Variants in CEP112 observed in about 807,000 individuals in gnomAD.
The protein encoded by CEP112 is centrosomal protein 112.
Under a neutral mutation model 153.0 loss-of-function variants are expected in CEP112, and 127 were observed. The observed-to-expected ratio is 0.83, with a 90% CI of 0.72 to 0.96. The LOEUF (loss-of-function observed/expected upper bound fraction) is 0.96, where lower values mean the gene tolerates loss of function less well. Ranked by LOEUF, CEP112 falls within the 40% of genes least tolerant of loss-of-function variation. The probability of loss-of-function intolerance (pLI) is 0.00; values close to 1 mark genes in which losing one functional copy is unlikely to be tolerated. For synonymous variants in CEP112, 358 were observed against 374.4 expected (o/e 0.96, Z 0.51); for missense variants, 1,089 against 1,101.2 (o/e 0.99, Z 0.16).
At chr17:65,939,175 T>C (rs563150352) in intron 18 of CEP112, among the ~76,000 whole-genome samples, 8 of 152,162 alleles carry the variant, frequency 5.3e-5, no homozygotes, top group Non-Finnish European at 5.9e-5. Context: ...TTAGTATTCA[T>C]TTATTCAAAG....
chr17:66,165,504 A>G (rs190273743), intron 4 of CEP112, among the ~76,000 whole-genome samples: 87 of 152,350 alleles, frequency 5.7e-4, no homozygotes, highest in South Asian at 2.1e-4. Context: ...TTTACTAAGA[A>G]GGAAAGGTAT....
intron 20 of CEP112, among the ~76,000 whole-genome samples, 156 bp from the exon 21 acceptor site, chr17:65,852,190 TCTTTCCCTCTCCCTTCCTTCCTTCCCTC>T (rs1173559126): frequency 2.8e-4 from 39 of 139,630 alleles, no homozygotes; most frequent in African/African-American, 1.0e-3. Flanking sequence ...CTTCCCTCCC[TCTTTCCCTCTCCCTTCCTTCCTTCCCTC>T]CCTCTTTCCC....
At chr17:65,826,012 C>A in intron 21 of CEP112, 1 of 892,038 alleles carries the variant, frequency 1.1e-6, no homozygotes, top group Non-Finnish European at 1.8e-6. Flanking sequence ...TTTGTTCCAT[C>A]ATCCCTGCCC....
At chr17:66,151,323 C>G (rs1458576477) in intron 4 of CEP112, among the ~76,000 whole-genome samples, 1 of 152,128 alleles carries the variant, frequency 6.6e-6, no homozygotes, top group Non-Finnish European at 1.5e-5. Context: ...TTTAATCCTT[C>G]TAGTTACACA....
At chr17:65,997,778 A>G (rs55814450) in intron 17 of CEP112, among the ~76,000 whole-genome samples, 62,132 of 111,568 alleles carry the variant, frequency 0.56, 14,230 homozygotes, top group East Asian at 0.88. Flanking sequence ...ATTTATACAC[A>G]CACCCTAAAC....
intron 18 of CEP112, among the ~76,000 whole-genome samples, chr17:65,943,089 A>G (rs11869587): frequency 0.48 from 72,748 of 151,962 alleles, 18,409 homozygotes; most frequent in East Asian, 0.89. Flanking sequence ...ATATGTAGCT[A>G]GATAGATACA....
intron 20 of CEP112, among the ~76,000 whole-genome samples, chr17:65,874,909 T>A (rs1033199968): frequency 6.6e-6 from 1 of 152,116 alleles, no homozygotes. Flanking sequence ...TTTGTTAAAG[T>A]ATCTATGGTT....
chr17:65,745,697 G>C (rs1051291832), intron 22 of CEP112, among the ~76,000 whole-genome samples: 7 of 152,150 alleles, frequency 4.6e-5, no homozygotes, highest in Admixed American at 3.3e-4. Context: ...TGTGTGTTTA[G>C]TTCTGCGCAG....
At chr17:65,708,593 C>G (rs2049024988) in intron 23 of CEP112, among the ~76,000 whole-genome samples, 1 of 152,096 alleles carries the variant, frequency 6.6e-6, no homozygotes, top group Non-Finnish European at 1.5e-5. Context: ...TCCTTTAATC[C>G]TGCTTAGTGG....
intron 6 of CEP112, among the ~76,000 whole-genome samples, chr17:66,107,549 T>C (rs900403183): frequency 2.0e-5 from 3 of 151,746 alleles, no homozygotes; most frequent in South Asian, 2.1e-4. Flanking sequence ...TTACAATAGA[T>C]ACAAATAAAA....
At chr17:66,056,761 T>A (rs987482066) in intron 11 of CEP112, among the ~76,000 whole-genome samples, 11 of 152,182 alleles carry the variant, frequency 7.2e-5, no homozygotes, top group Admixed American at 2.6e-4. Flanking sequence ...TGCTGATGGA[T>A]AAAGGTTTCT....
At chr17:66,179,207 TG>T (rs1163376543) in intron 2 of CEP112, among the ~76,000 whole-genome samples, 5 of 152,136 alleles carry the variant, frequency 3.3e-5, no homozygotes, top group Admixed American at 1.3e-4. Flanking sequence ...ATTTTAAGGT[TG>T]TTTTTTTCTA....
intron 1 of CEP112, among the ~76,000 whole-genome samples, chr17:66,189,098 A>C (rs1178584258): frequency 6.6e-6 from 1 of 152,206 alleles, no homozygotes; most frequent in East Asian, 1.9e-4. Flanking sequence ...CTAACTCAAA[A>C]TCATGAAATC....
At chr17:66,109,993 T>C (rs1366177788) in intron 6 of CEP112, among the ~76,000 whole-genome samples, 2 of 152,120 alleles carry the variant, frequency 1.3e-5, no homozygotes, top group Admixed American at 1.3e-4. Flanking sequence ...ACCCCATCTC[T>C]ACTAAAAATA....
chr17:65,831,898 T>C (rs1272309538), intron 21 of CEP112, among the ~76,000 whole-genome samples: 1 of 151,550 alleles, frequency 6.6e-6, no homozygotes, highest in Admixed American at 6.6e-5. Flanking sequence ...ATTCATCTCA[T>C]TGCCACATAG....
chr17:65,971,378 A>G (rs1487832068), intron 17 of CEP112, among the ~76,000 whole-genome samples: 1 of 95,428 alleles, frequency 1.0e-5, no homozygotes, highest in South Asian at 5.0e-4. Context: ...GCATGTATGT[A>G]CATTGCATGT....
chr17:66,183,448 C>T, intron 1 of CEP112, 141 bp from the exon 2 acceptor site: 2 of 516,728 alleles, frequency 3.9e-6, no homozygotes, highest in Non-Finnish European at 6.7e-6. Flanking sequence ...CAACTCCCAT[C>T]AAAACCCAGC....
intron 21 of CEP112, among the ~76,000 whole-genome samples, chr17:65,780,826 A>T (rs2053954834): frequency 6.6e-6 from 1 of 152,150 alleles, no homozygotes; most frequent in Admixed American, 6.5e-5. Flanking sequence ...GACATGAATC[A>T]GCCAAGTAAT....
At chr17:65,764,592 C>CTT (rs559249370) in intron 21 of CEP112, among the ~76,000 whole-genome samples, 7 of 139,742 alleles carry the variant, frequency 5.0e-5, no homozygotes, top group Non-Finnish European at 7.9e-5. Flanking sequence ...CTTCTGTTCT[C>CTT]TTTTTTTTTT....
Sources: gnomAD v4.1 joint callset for allele counts (sites outside exome capture counted in the v4.1 genomes callset) on GRCh38, gnomAD v4.1.1 for gene constraint, MANE v1.5 for transcripts, NCBI Gene and HGNC (gene_info 2026-07-23, HGNC 2026-07-21) for gene names.